Variants in BLTP3A observed in about 807,000 individuals in gnomAD.
BLTP3A encodes ICBP90 binding protein 1.
the BLTP3A span, chr6:34,835,401 A>T: frequency 6.2e-7 from 1 of 1,614,090 alleles, no homozygotes. Flanking sequence ...ATGCAGAGTC[A>T]CTGAGTGAAG....
At chr6:34,836,297 A>G in the BLTP3A span, 1 of 1,614,162 alleles carries the variant, frequency 6.2e-7, no homozygotes, top group Non-Finnish European at 8.5e-7. Context: ...CCATCTGCTC[A>G]TCTCCCGCCT....
chr6:34,830,575 G>C, the BLTP3A span, among the ~76,000 whole-genome samples: 1 of 151,600 alleles, frequency 6.6e-6, no homozygotes, highest in South Asian at 2.1e-4. Context: ...AGGTCACAGA[G>C]CAAGACTCTG....
chr6:34,813,916 A>G, the BLTP3A span, among the ~76,000 whole-genome samples: 1 of 152,290 alleles, frequency 6.6e-6, no homozygotes, highest in South Asian at 2.1e-4. Context: ...CTCTTATATA[A>G]TTCTCAGAGC....
the BLTP3A span, among the ~76,000 whole-genome samples, chr6:34,854,768 A>G: frequency 6.6e-6 from 1 of 152,202 alleles, no homozygotes; most frequent in South Asian, 2.1e-4. Context: ...AGAGGATTCC[A>G]TGGTATTTCC....
the BLTP3A span, among the ~76,000 whole-genome samples, chr6:34,803,068 C>T: frequency 6.6e-6 from 1 of 151,760 alleles, no homozygotes; most frequent in East Asian, 1.9e-4. Flanking sequence ...TGTCGTAGTC[C>T]CAGCTACTTG....
the BLTP3A span, among the ~76,000 whole-genome samples, chr6:34,839,337 ACTCT>A: frequency 8.5e-6 from 1 of 117,618 alleles, no homozygotes; most frequent in South Asian, 2.4e-4. Context: ...AGTTCTTGTA[ACTCT>A]TTCTCTGGGA....
chr6:34,850,009 G>A, the BLTP3A span, among the ~76,000 whole-genome samples: 1 of 151,992 alleles, frequency 6.6e-6, no homozygotes, highest in Non-Finnish European at 1.5e-5. Flanking sequence ...CGGGTGTGGT[G>A]GTGCATTCCT....
the BLTP3A span, among the ~76,000 whole-genome samples, chr6:34,795,239 C>T: frequency 6.6e-6 from 1 of 151,974 alleles, no homozygotes; most frequent in South Asian, 2.1e-4. Flanking sequence ...CACCATGCCC[C>T]TGGCTAATTT....
the BLTP3A span, among the ~76,000 whole-genome samples, chr6:34,865,071 C>A: frequency 3.3e-5 from 5 of 152,300 alleles, no homozygotes; most frequent in East Asian, 5.8e-4. Flanking sequence ...TATACACACA[C>A]ACATACAGTG....
At chr6:34,822,204 A>G in the BLTP3A span, among the ~76,000 whole-genome samples, 1 of 151,662 alleles carries the variant, frequency 6.6e-6, no homozygotes, top group African/African-American at 2.4e-5. Flanking sequence ...TAGTGTAACA[A>G]TTATGGCTGC....
the BLTP3A span, among the ~76,000 whole-genome samples, chr6:34,828,844 A>G: frequency 6.6e-6 from 1 of 151,968 alleles, no homozygotes; most frequent in Non-Finnish European, 1.5e-5. Context: ...CATGGCCAAC[A>G]TGGAGAAACT....
At chr6:34,866,273 G>A in the BLTP3A span, among the ~76,000 whole-genome samples, 33 of 151,908 alleles carry the variant, frequency 2.2e-4, no homozygotes, top group African/African-American at 6.0e-4. Context: ...GGATGGTGGC[G>A]TGCGCCTGTA....
At chr6:34,851,480 T>C in the BLTP3A span, among the ~76,000 whole-genome samples, 1 of 152,180 alleles carries the variant, frequency 6.6e-6, no homozygotes, top group Non-Finnish European at 1.5e-5. Flanking sequence ...CTCCCCCATA[T>C]AGCAGTGTCT....
the BLTP3A span, among the ~76,000 whole-genome samples, chr6:34,810,246 G>A: frequency 6.6e-6 from 1 of 152,162 alleles, no homozygotes; most frequent in Non-Finnish European, 1.5e-5. Context: ...GTGTTATTCA[G>A]GGTTTACAGT....
chr6:34,795,352 A>G, the BLTP3A span, among the ~76,000 whole-genome samples: 1 of 151,940 alleles, frequency 6.6e-6, no homozygotes, highest in Non-Finnish European at 1.5e-5. Flanking sequence ...TGCCGGGATT[A>G]CAGGGGTGAG....
At chr6:34,872,584 G>A in the BLTP3A span, 1 of 1,024,114 alleles carries the variant, frequency 9.8e-7, no homozygotes, top group South Asian at 2.1e-5. Flanking sequence ...GTGTGGGTGT[G>A]CTTTCCACTA....
At chr6:34,821,787 G>T in the BLTP3A span, 3 of 1,614,016 alleles carry the variant, frequency 1.9e-6, no homozygotes, top group Non-Finnish European at 8.5e-7. Flanking sequence ...GCCATCACTC[G>T]GGTCTACTGC....
the BLTP3A span, chr6:34,821,526 C>A: frequency 1.1e-6 from 1 of 924,432 alleles, no homozygotes; most frequent in Non-Finnish European, 1.6e-6. Context: ...CCCACTGCTT[C>A]ACTTGACTAG....
chr6:34,829,119 A>G, the BLTP3A span, among the ~76,000 whole-genome samples: 2 of 152,064 alleles, frequency 1.3e-5, no homozygotes, highest in African/African-American at 4.8e-5. Flanking sequence ...TAATTCACAT[A>G]CCATAACATT....
Sources: gnomAD v4.1 joint callset for allele counts (sites outside exome capture counted in the v4.1 genomes callset) on GRCh38, gnomAD v4.1.1 for gene constraint, MANE v1.5 for transcripts, NCBI Gene and HGNC (gene_info 2026-07-23, HGNC 2026-07-21) for gene names.